BNC2: variants seen among roughly 807,000 people sequenced by gnomAD.
BNC2 encodes basonuclin zinc finger protein 2, also known as zinc finger protein basonuclin-2.
A neutral mutation model predicts 76.3 loss-of-function variants in BNC2; 20 were observed. The ratio of observed to expected loss-of-function variants is 0.26; its 90% CI spans 0.18 to 0.38. The LOEUF is 0.38. Ranked by LOEUF, BNC2 falls within the 10% of genes least tolerant of loss-of-function variation. BNC2 has a pLI of 1.00. For synonymous variants in BNC2, 582 were observed against 514.8 expected (o/e 1.13, Z -1.77); for missense variants, 1,382 against 1,399.8 (o/e 0.99, Z 0.20).
chr9:16,523,653 C>A (rs1055506554), intron 5 of BNC2, among the ~76,000 whole-genome samples: 1 of 152,048 alleles, frequency 6.6e-6, no homozygotes, highest in African/African-American at 2.4e-5. Flanking sequence ...TTTGGCCCAG[C>A]GCGGTGGCTC....
chr9:16,451,895 G>A (rs1348368996), intron 5 of BNC2, among the ~76,000 whole-genome samples: 1 of 152,130 alleles, frequency 6.6e-6, no homozygotes, highest in Non-Finnish European at 1.5e-5. Flanking sequence ...ATGAATGTAG[G>A]ACTTGGGAGG....
chr9:16,767,360 G>A (rs1825724877), intron 1 of BNC2, among the ~76,000 whole-genome samples: 1 of 152,210 alleles, frequency 6.6e-6, no homozygotes, highest in South Asian at 2.1e-4. Context: ...TCAGTGCTCA[G>A]AGAGACACAA....
intron 1 of BNC2, among the ~76,000 whole-genome samples, chr9:16,772,843 G>A (rs1365102525): frequency 6.6e-6 from 1 of 152,172 alleles, no homozygotes; most frequent in African/African-American, 2.4e-5. Context: ...TATATTCTAT[G>A]AAGACTGATT....
At chr9:16,787,930 T>G (rs73410490) in intron 1 of BNC2, among the ~76,000 whole-genome samples, 2,298 of 152,254 alleles carry the variant, frequency 0.015, 37 homozygotes, top group Middle Eastern at 0.065. Flanking sequence ...TTAGAATCAC[T>G]GAATCATAGC....
intron 1 of BNC2, chr9:16,867,751 G>GT (rs1017919986): frequency 7.9e-6 from 1 of 127,344 alleles, no homozygotes; most frequent in African/African-American, 3.1e-5. Context: ...CTGAACAGCT[G>GT]TATTATCCAA....
chr9:16,776,951 C>A (rs906169964), intron 1 of BNC2, among the ~76,000 whole-genome samples: 1 of 151,894 alleles, frequency 6.6e-6, no homozygotes, highest in Non-Finnish European at 1.5e-5. Flanking sequence ...CATGGCAAAA[C>A]CCCATCTCTA....
chr9:16,658,303 T>C (rs1821991324), intron 3 of BNC2, among the ~76,000 whole-genome samples: 2 of 152,144 alleles, frequency 1.3e-5, no homozygotes, highest in South Asian at 2.1e-4. Context: ...CTGGAGAATT[T>C]GGAGTCAGGG....
At chr9:16,552,421 T>C (rs956131267) in intron 5 of BNC2, 109 bp downstream of exon 5, 43 of 913,608 alleles carry the variant, frequency 4.7e-5, no homozygotes, top group Non-Finnish European at 6.5e-5. Flanking sequence ...ACGACCACTT[T>C]AACCAGAGGA....
At chr9:16,702,506 A>T (rs915828506) in intron 3 of BNC2, among the ~76,000 whole-genome samples, 1 of 150,740 alleles carries the variant, frequency 6.6e-6, no homozygotes, top group African/African-American at 2.4e-5. Flanking sequence ...GTAAAAATGT[A>T]GACTAATAAA....
At chr9:16,481,131 G>A (rs1386277356) in intron 5 of BNC2, among the ~76,000 whole-genome samples, 1 of 152,140 alleles carries the variant, frequency 6.6e-6, no homozygotes. Context: ...GAACCTTTGT[G>A]TCCATACTCT....
In BNC2 at chr9:16,498,162, TATATATTCTATC is replaced by T; in HGVS notation, c.669+54356_669+54367del. On this transcript the variant is annotated intron_variant, in intron 5 of 6. Coordinates refer to ENST00000380672, the MANE Select transcript of BNC2 (RefSeq NM_017637.6). ...ATTCTATCATATATATTCCATCATATATATATTCTATCATATATATATTCCATCATATATATA... is the reference window on the plus strand; with the variant it reads ...ATTCTATCATATATATTCCATCATATATATATATATTCCATCATATATATA... 6.2e-5 allele frequency among the ~76,000 whole-genome samples: 9 copies of T among 146,230 alleles called. 1 individual carries two copies. Among genetic ancestry groups the T allele is most frequent in the African/African-American group, 2.0e-4 (8 of 39,802 alleles).
At chr9:16,864,790 TG>T (rs1176048853) in intron 1 of BNC2, among the ~76,000 whole-genome samples, 1 of 151,884 alleles carries the variant, frequency 6.6e-6, no homozygotes, top group African/African-American at 2.4e-5. Flanking sequence ...ACTGTGACAG[TG>T]GGGCCTTTCG....
chr9:16,501,272 G>A (rs1336278626), intron 5 of BNC2, among the ~76,000 whole-genome samples: 1 of 152,136 alleles, frequency 6.6e-6, no homozygotes, highest in Non-Finnish European at 1.5e-5. Context: ...TCATACGAAT[G>A]AGTAATGCTT....
At chr9:16,564,520 C>G (rs1819114494) in intron 4 of BNC2, among the ~76,000 whole-genome samples, 1 of 152,140 alleles carries the variant, frequency 6.6e-6, no homozygotes, top group African/African-American at 2.4e-5. Flanking sequence ...CACCTGCCCA[C>G]CTGTGATCAT....
chr9:16,805,999 A>G (rs1488672025), intron 1 of BNC2, among the ~76,000 whole-genome samples: 1 of 152,204 alleles, frequency 6.6e-6, no homozygotes, highest in African/African-American at 2.4e-5. Context: ...TCCCCAATGA[A>G]GCAGAGAGAA....
chr9:16,818,767 G>T (rs1183956774), intron 1 of BNC2, among the ~76,000 whole-genome samples: 3 of 152,062 alleles, frequency 2.0e-5, no homozygotes, highest in Non-Finnish European at 2.9e-5. Flanking sequence ...AATCAAGTGA[G>T]CCTCCCACCT....
chr9:16,758,869 A>T (rs1384946322), intron 1 of BNC2, among the ~76,000 whole-genome samples: 1 of 152,184 alleles, frequency 6.6e-6, no homozygotes, highest in Non-Finnish European at 1.5e-5. Context: ...TGAAGAATCA[A>T]CTGGTTGTAT....
chr9:16,552,005 G>T lies in BNC2; in HGVS notation c.669+525C>A, dbSNP rs555874880. Among the ~76,000 whole-genome samples the T allele has an allele frequency of 2.6e-5, 4 of 152,192 alleles. No homozygotes were observed. In the South Asian group the frequency reaches 8.3e-4, roughly 32 times the overall value. The stretch of plus-strand genomic sequence containing the variant: ...GAAATCTGAAGGCTATCATGTGAGG[G>T]TTTACTGGTTATATAAGTTTATATG... On this transcript the variant is annotated intron_variant, in intron 5 of 6. Coordinates refer to ENST00000380672, the MANE Select transcript of BNC2 (RefSeq NM_017637.6).
At chr9:16,761,557 T>C (rs972438540) in intron 1 of BNC2, among the ~76,000 whole-genome samples, 5 of 152,246 alleles carry the variant, frequency 3.3e-5, no homozygotes, top group African/African-American at 4.8e-5. Context: ...TAGACTCTTA[T>C]GCTTTTGCGG....
Sources: allele counts gnomAD v4.1 joint callset (sites outside exome capture counted in the v4.1 genomes callset), GRCh38; gene constraint gnomAD v4.1.1; transcripts MANE v1.5; gene names NCBI Gene and HGNC (gene_info 2026-07-23, HGNC 2026-07-21).